LYPLAL1: variants seen among roughly 807,000 people sequenced by gnomAD.
LYPLAL1 encodes lysophospholipase-like protein 1.
Under a neutral mutation model 19.7 loss-of-function variants are expected in LYPLAL1, and 23 were observed. The ratio of observed to expected loss-of-function variants is 1.17; its 90% CI spans 0.84 to 1.65. The LOEUF is 1.65. LYPLAL1 is among the 40% of genes most tolerant of loss of function. The probability of loss-of-function intolerance (pLI) is 0.00; values close to 1 mark genes in which losing one functional copy is unlikely to be tolerated. For missense variants in LYPLAL1, 355 were observed against 279.4 expected (o/e 1.27, Z -1.93); for synonymous variants, 119 against 96.3 (o/e 1.24, Z -1.38).
chr1:219,352,541 A>T, the LYPLAL1 span, among the ~76,000 whole-genome samples: 2 of 152,162 alleles, frequency 1.3e-5, no homozygotes, highest in Non-Finnish European at 2.9e-5. Context: ...ATAAATAAAT[A>T]AAATATCCAC....
the LYPLAL1 span, among the ~76,000 whole-genome samples, chr1:219,343,668 C>T: frequency 1.5e-3 from 223 of 152,252 alleles, no homozygotes; most frequent in African/African-American, 4.2e-3. Context: ...AAATAAACTA[C>T]GAACATTTCT....
the LYPLAL1 span, among the ~76,000 whole-genome samples, chr1:219,439,715 T>C: frequency 3.3e-5 from 5 of 152,078 alleles, no homozygotes. Flanking sequence ...TCTGGCATTG[T>C]GGATATATAC....
the LYPLAL1 span, among the ~76,000 whole-genome samples, chr1:219,423,113 A>G: frequency 8.6e-5 from 13 of 152,004 alleles, no homozygotes; most frequent in Non-Finnish European, 1.3e-4. Flanking sequence ...TTTGCCTAGA[A>G]CACCCCTCTC....
chr1:219,190,128 A>G (rs970080203), intron 2 of LYPLAL1, among the ~76,000 whole-genome samples: 1 of 151,588 alleles, frequency 6.6e-6, no homozygotes, highest in Non-Finnish European at 1.5e-5. Context: ...GCTGAATCAC[A>G]AGACATAGAA....
the LYPLAL1 span, among the ~76,000 whole-genome samples, chr1:219,357,253 T>G: frequency 6.6e-6 from 1 of 152,208 alleles, no homozygotes; most frequent in South Asian, 2.1e-4. Context: ...TATTTCAGCT[T>G]GCAACTCAAT....
chr1:219,312,844 A>T, the LYPLAL1 span, among the ~76,000 whole-genome samples: 2 of 152,106 alleles, frequency 1.3e-5, no homozygotes, highest in East Asian at 1.9e-4. Context: ...CCCTCCAGAG[A>T]TGTAGAGAGG....
At chr1:219,264,444 A>G in the LYPLAL1 span, among the ~76,000 whole-genome samples, 1 of 152,228 alleles carries the variant, frequency 6.6e-6, no homozygotes, top group Non-Finnish European at 1.5e-5. Context: ...TTGCAAAGCC[A>G]AACATGAAGA....
At chr1:219,412,260 T>C in the LYPLAL1 span, among the ~76,000 whole-genome samples, 1 of 152,098 alleles carries the variant, frequency 6.6e-6, no homozygotes, top group Admixed American at 6.5e-5. Context: ...ACTCCTGATC[T>C]CAATGATCCT....
At chr1:219,443,772 T>A in the LYPLAL1 span, among the ~76,000 whole-genome samples, 1 of 152,006 alleles carries the variant, frequency 6.6e-6, no homozygotes, top group Admixed American at 6.6e-5. Context: ...GAGCTACACA[T>A]ACACTTAAGA....
the LYPLAL1 span, among the ~76,000 whole-genome samples, chr1:219,395,592 C>A: frequency 3.3e-5 from 5 of 152,150 alleles, no homozygotes; most frequent in Non-Finnish European, 7.4e-5. Context: ...TTGATGGTTT[C>A]TTTTACTGTG....
At chr1:219,209,755 C>G (rs1658848441) in intron 3 of LYPLAL1, among the ~76,000 whole-genome samples, 1 of 152,104 alleles carries the variant, frequency 6.6e-6, no homozygotes, top group Non-Finnish European at 1.5e-5. Flanking sequence ...AATCACCATT[C>G]TCTCTGCTGC....
chr1:219,437,458 C>T, the LYPLAL1 span, among the ~76,000 whole-genome samples: 1 of 152,208 alleles, frequency 6.6e-6, no homozygotes, highest in South Asian at 2.1e-4. Context: ...CTGTCTCTTA[C>T]CCGAACTCTT....
At chr1:219,281,471 T>A in the LYPLAL1 span, among the ~76,000 whole-genome samples, 1 of 152,204 alleles carries the variant, frequency 6.6e-6, no homozygotes, top group Non-Finnish European at 1.5e-5. Flanking sequence ...TAATTCACCC[T>A]GTAAAACCCA....
chr1:219,280,064 T>G, the LYPLAL1 span, among the ~76,000 whole-genome samples: 1 of 152,216 alleles, frequency 6.6e-6, no homozygotes, highest in African/African-American at 2.4e-5. Context: ...GAATGAATAT[T>G]ACATAGGCAG....
chr1:219,408,072 C>G, the LYPLAL1 span, among the ~76,000 whole-genome samples: 31,303 of 152,094 alleles, frequency 0.21, 3,219 homozygotes, highest in Non-Finnish European at 0.22. Flanking sequence ...AACATTCACT[C>G]TATAACAACA....
chr1:219,182,374 C>G (rs1011909381), intron 2 of LYPLAL1, among the ~76,000 whole-genome samples: 1 of 152,040 alleles, frequency 6.6e-6, no homozygotes, highest in Non-Finnish European at 1.5e-5. Context: ...GATTTATTGT[C>G]GTTGCTTTTG....
the LYPLAL1 span, among the ~76,000 whole-genome samples, chr1:219,356,176 T>G: frequency 1.3e-5 from 2 of 152,072 alleles, no homozygotes; most frequent in African/African-American, 4.8e-5. Flanking sequence ...AAAATTTAAA[T>G]AAATAAATAA....
chr1:219,272,097 T>C, the LYPLAL1 span: 53 of 152,398 alleles, frequency 3.5e-4, no homozygotes, highest in Admixed American at 2.9e-3. Context: ...GAGATAGTCA[T>C]TGAGGGCCTT....
the LYPLAL1 span, among the ~76,000 whole-genome samples, chr1:219,445,363 T>G: frequency 7.4e-6 from 1 of 135,958 alleles, no homozygotes; most frequent in Non-Finnish European, 1.5e-5. Flanking sequence ...AACTAGATTA[T>G]TTTGTGTGTT....
Sources: allele counts gnomAD v4.1 joint callset (sites outside exome capture counted in the v4.1 genomes callset), GRCh38; gene constraint gnomAD v4.1.1; transcripts MANE v1.5; gene names NCBI Gene and HGNC (gene_info 2026-07-23, HGNC 2026-07-21).